MAST4: variants seen among roughly 807,000 people sequenced by gnomAD.
The protein encoded by MAST4 is microtubule associated serine/threonine kinase family member 4, also known as microtubule-associated serine/threonine-protein kinase 4.
MAST4 carries 89 observed loss-of-function variants against 162.7 expected under a neutral mutation model. The ratio of observed to expected loss-of-function variants is 0.55; its 90% CI spans 0.46 to 0.65. The LOEUF (loss-of-function observed/expected upper bound fraction) is 0.65, where lower values mean the gene tolerates loss of function less well. Among genes scored for constraint, MAST4 ranks in the 30% least tolerant of loss-of-function variants. The pLI is 0.00. For synonymous variants in MAST4, 1,479 were observed against 1,361.1 expected (o/e 1.09, Z -1.91); for missense variants, 3,153 against 3,374.0 (o/e 0.93, Z 1.62).
intron 4 of MAST4, among the ~76,000 whole-genome samples, chr5:67,031,940 T>C (rs1401677610): frequency 6.6e-6 from 1 of 152,174 alleles, no homozygotes; most frequent in African/African-American, 2.4e-5. Context: ...GCCTCTGATA[T>C]ATGTGGAAAT....
intron 2 of MAST4, among the ~76,000 whole-genome samples, chr5:66,773,856 C>T (rs1218142396): frequency 1.3e-5 from 2 of 151,594 alleles, no homozygotes; most frequent in African/African-American, 4.8e-5. Context: ...TATGTTGTAG[C>T]GGCACAAACT....
intron 4 of MAST4, among the ~76,000 whole-genome samples, chr5:66,991,956 G>T (rs1384543206): frequency 6.6e-6 from 1 of 152,198 alleles, no homozygotes; most frequent in Admixed American, 6.5e-5. Context: ...GGGAAGATGA[G>T]TTGGCAGCAA....
Position 67,054,630 on chromosome 5 carries a change from T to C in MAST4, c.763+138T>C. ...TGCTGTTTTATCCCTAAGTTGTTCT[T>C]TGCGATATGTTAGCCCAGATCTTAT... On this transcript the variant is annotated intron_variant, in intron 5 of 28. Coordinates refer to ENST00000403625, the MANE Select transcript of MAST4 (RefSeq NM_001164664.2). The C allele has an allele frequency of 6.7e-6, 5 of 746,426 alleles. No homozygotes were observed. The South Asian group carries it at 1.1e-4, about 16-fold the overall frequency. The allele number at this position is 746,426 out of a possible 1,614,324, so 46.2% of individuals were successfully genotyped here.
intron 3 of MAST4, among the ~76,000 whole-genome samples, chr5:66,813,843 T>A (rs1347559138): frequency 6.6e-6 from 1 of 152,184 alleles, no homozygotes; most frequent in Non-Finnish European, 1.5e-5. Flanking sequence ...TAGATGCAAA[T>A]CTAGTAGTTT....
intron 27 of MAST4, among the ~76,000 whole-genome samples, chr5:67,162,337 A>AT (rs1298889363): frequency 2.0e-5 from 3 of 152,190 alleles, no homozygotes; most frequent in Non-Finnish European, 4.4e-5. Context: ...AAATGAATGT[A>AT]TTTTTAATGC....
rs771789143 is a variant in MAST4, at chr5:67,166,768, C to G, written c.7589C>G (p.Pro2530Arg). 1 of 1,601,290 alleles carries G rather than the reference C, an allele frequency of 6.2e-7. No individual in the cohort carries two copies. Among genetic ancestry groups the G allele is most frequent in the Non-Finnish European group, 8.5e-7 (1 of 1,174,398 alleles). Reference protein sequence around the residue: ...SLPSFRVSTLPLESHHPDPNT... With the variant: ...SLPSFRVSTLRLESHHPDPNT... Reference sequence around the variant, plus strand: ...CCCTCCTTCCGGGTCTCCACCCTGCCTCTGGAGTCACACCACCCCGACCCA... The same window carrying G: ...CCCTCCTTCCGGGTCTCCACCCTGCGTCTGGAGTCACACCACCCCGACCCA... The change falls in exon 29 of 29, where the codon CCT becomes CGT. Residue 2530 changes from proline (P) to arginine (R), a missense_variant. Pro to Arg is a moderately radical substitution (Grantham distance 103). Coordinates refer to ENST00000403625, the MANE Select transcript of MAST4 (RefSeq NM_001164664.2).
At chr5:66,823,161 T>G (rs1174448197) in intron 3 of MAST4, among the ~76,000 whole-genome samples, 1 of 152,134 alleles carries the variant, frequency 6.6e-6, no homozygotes, top group East Asian at 1.9e-4. Flanking sequence ...TGCTTCCCCT[T>G]TACCTTCTGC....
At chr5:66,689,053 G>C (rs1378037434) in intron 1 of MAST4, among the ~76,000 whole-genome samples, 1 of 151,940 alleles carries the variant, frequency 6.6e-6, no homozygotes, top group African/African-American at 2.4e-5. Flanking sequence ...GTTTTAAAAG[G>C]ATCAGAGGGT....
intron 1 of MAST4, among the ~76,000 whole-genome samples, chr5:66,650,631 T>G (rs936684342): frequency 2.0e-5 from 3 of 152,202 alleles, no homozygotes; most frequent in Admixed American, 6.5e-5. Flanking sequence ...CCAACTGCCA[T>G]GTAAGTTCCT....
intron 2 of MAST4, among the ~76,000 whole-genome samples, chr5:66,780,081 A>G (rs1754786771): frequency 6.6e-6 from 1 of 152,198 alleles, no homozygotes; most frequent in Non-Finnish European, 1.5e-5. Context: ...TAAAAAATAT[A>G]CATACCAAAA....
intron 3 of MAST4, among the ~76,000 whole-genome samples, chr5:66,885,019 C>T (rs1043727610): frequency 3.3e-5 from 5 of 152,186 alleles, no homozygotes; most frequent in Admixed American, 3.3e-4. Flanking sequence ...GAGTGTTATG[C>T]AAGTAGCTGG....
intron 3 of MAST4, among the ~76,000 whole-genome samples, chr5:66,848,512 C>T (rs570937098): frequency 3.9e-5 from 6 of 152,128 alleles, no homozygotes; most frequent in South Asian, 2.1e-4. Context: ...AGTTAGCCTC[C>T]GTTATTATAA....
chr5:66,766,585 T>G (rs1336628263), intron 2 of MAST4, among the ~76,000 whole-genome samples: 1 of 152,116 alleles, frequency 6.6e-6, no homozygotes, highest in African/African-American at 2.4e-5. Flanking sequence ...AAAATTAACC[T>G]GGAAGCTATT....
chr5:67,067,840 C>G (rs1370097986), intron 5 of MAST4, among the ~76,000 whole-genome samples: 3 of 152,142 alleles, frequency 2.0e-5, no homozygotes, highest in East Asian at 3.9e-4. Flanking sequence ...GCCCCTACCC[C>G]ACCTTTGCTT....
At chr5:67,050,118 ACACTG>A (rs1757990657) in intron 4 of MAST4, among the ~76,000 whole-genome samples, 1 of 152,156 alleles carries the variant, frequency 6.6e-6, no homozygotes, top group Non-Finnish European at 1.5e-5. Flanking sequence ...TTTGTCCCTC[ACACTG>A]AGCCAGGCCT....
chr5:67,099,246 T>G (rs1408390169), intron 7 of MAST4, among the ~76,000 whole-genome samples: 1 of 152,066 alleles, frequency 6.6e-6, no homozygotes, highest in Non-Finnish European at 1.5e-5. Context: ...TGAGAAGTGT[T>G]TAAGGCCATG....
In MAST4 at chr5:66,933,169, A is replaced by G. The variant is rs1407115159; in HGVS notation, c.674+33187A>G. On this transcript the variant is annotated intron_variant, in intron 4 of 28. Transcript: ENST00000403625. ...CATATCTCTTTAACTAAAGTAAGCT[A>G]AGTACTTACAGTTCTGATAAACTCC... Among the ~76,000 whole-genome samples the G allele has an allele frequency of 4.6e-5, 7 of 152,168 alleles. 1 individual carries two copies. Among genetic ancestry groups the G allele is most frequent in the Admixed American group, 1.3e-4 (2 of 15,262 alleles).
intron 1 of MAST4, among the ~76,000 whole-genome samples, chr5:66,628,031 G>A (rs1232864430): frequency 1.3e-5 from 2 of 151,942 alleles, no homozygotes; most frequent in African/African-American, 4.8e-5. Context: ...AGTGTTTGTT[G>A]TTGTTGTTTC....
intron 7 of MAST4, among the ~76,000 whole-genome samples, chr5:67,098,330 T>C (rs574392604): frequency 1.3e-5 from 2 of 152,288 alleles, no homozygotes; most frequent in African/African-American, 4.8e-5. Flanking sequence ...AGTATTGTGG[T>C]TTCTTGAAAC....
Sources: allele counts gnomAD v4.1 joint callset (sites outside exome capture counted in the v4.1 genomes callset), GRCh38; gene constraint gnomAD v4.1.1; transcripts MANE v1.5; gene names NCBI Gene and HGNC (gene_info 2026-07-23, HGNC 2026-07-21).